Variants in SYT1 observed in about 807,000 individuals in gnomAD.
SYT1 encodes the protein synaptotagmin-1.
SYT1 carries 8 observed loss-of-function variants against 44.8 expected under a neutral mutation model. The observed-to-expected ratio is 0.18, with a 90% CI of 0.10 to 0.32. The LOEUF (loss-of-function observed/expected upper bound fraction) is 0.32. Ranked by LOEUF, SYT1 falls within the 10% of genes least tolerant of loss-of-function variation. SYT1 has a pLI of 1.00. For synonymous variants in SYT1, 154 were observed against 188.8 expected, an observed-to-expected ratio of 0.82 and a Z score of 1.51; for missense variants, 286 against 509.3, an observed-to-expected ratio of 0.56 and a Z score of 4.22.
chr12:79,331,633 G>A (rs187351136), intron 8 of SYT1, among the ~76,000 whole-genome samples: 1 of 152,170 alleles, frequency 6.6e-6, no homozygotes, highest in Admixed American at 6.5e-5. Flanking sequence ...TCCCTTTGCA[G>A]AATTTATTAG....
At chr12:79,407,051 A>C (rs1885267632) in intron 9 of SYT1, among the ~76,000 whole-genome samples, 1 of 152,106 alleles carries the variant, frequency 6.6e-6, no homozygotes, top group Admixed American at 6.6e-5. Context: ...AGGGATAATA[A>C]TGCTTGTTTC....
At chr12:79,028,231 T>G (rs1054462299) in intron 2 of SYT1, among the ~76,000 whole-genome samples, 1 of 151,474 alleles carries the variant, frequency 6.6e-6, no homozygotes, top group African/African-American at 2.4e-5. Flanking sequence ...TTTTGTGTTC[T>G]ACTAACCCTG....
chr12:79,250,058 A>G (rs544545562), intron 4 of SYT1, among the ~76,000 whole-genome samples: 2 of 152,224 alleles, frequency 1.3e-5, no homozygotes, highest in African/African-American at 2.4e-5. Flanking sequence ...ATGCAATTCT[A>G]TAAGATGAAT....
intron 1 of SYT1, among the ~76,000 whole-genome samples, chr12:78,954,119 C>CAGGAAAG (rs1879101435): frequency 1.3e-5 from 2 of 152,068 alleles, no homozygotes; most frequent in Non-Finnish European, 2.9e-5. Flanking sequence ...CCAATTAGAT[C>CAGGAAAG]ATGTCATCTT....
In SYT1 at chr12:79,299,283, C is replaced by G. The variant is rs1169816924; in HGVS notation, c.643-101C>G. 14 of 1,302,862 alleles carry G rather than the reference C, an allele frequency of 1.1e-5. No homozygotes were observed. The Admixed American group carries it at 3.3e-4, about 31-fold the overall frequency. The allele number at this position is 1,302,862 out of a possible 1,614,324, so 80.7% of individuals were successfully genotyped here. On this transcript the variant is annotated intron_variant, in intron 7 of 10. Coordinates refer to ENST00000261205, the MANE Select transcript of SYT1 (RefSeq NM_005639.3). ...CCAAAAACAAAATTATCTCCCTGTT[C>G]TGTTTATGCAACGTAAATATTAAAT...
At chr12:79,322,735 A>C (rs1881424806) in intron 8 of SYT1, among the ~76,000 whole-genome samples, 1 of 152,066 alleles carries the variant, frequency 6.6e-6, no homozygotes, top group Non-Finnish European at 1.5e-5. Context: ...TTTTGGAGTG[A>C]GAGAGCGCAG....
chr12:79,414,949 G>T (rs1868641453), intron 9 of SYT1, among the ~76,000 whole-genome samples: 1 of 152,084 alleles, frequency 6.6e-6, no homozygotes, highest in Non-Finnish European at 1.5e-5. Context: ...ACAAATCTCT[G>T]GTCTCATGGC....
At chr12:79,377,146 C>G (rs1593013832) in intron 9 of SYT1, among the ~76,000 whole-genome samples, 1 of 142,488 alleles carries the variant, frequency 7.0e-6, no homozygotes, top group East Asian at 2.1e-4. Context: ...GAGTCTCGCT[C>G]CATTGCCCAG....
At chr12:79,425,746 T>G (rs1869406157) in intron 9 of SYT1, among the ~76,000 whole-genome samples, 1 of 152,194 alleles carries the variant, frequency 6.6e-6, no homozygotes, top group Non-Finnish European at 1.5e-5. Context: ...GCACAATATA[T>G]TTAAGTAGTC....
intron 8 of SYT1, among the ~76,000 whole-genome samples, chr12:79,322,366 C>A (rs142430010): frequency 1.1e-3 from 167 of 152,250 alleles, no homozygotes; most frequent in African/African-American, 3.9e-3. Flanking sequence ...AAAAAAAACT[C>A]TGAGATTTAC....
At chr12:79,316,028 G>C (rs1351562917) in intron 8 of SYT1, among the ~76,000 whole-genome samples, 2 of 152,108 alleles carry the variant, frequency 1.3e-5, no homozygotes, top group East Asian at 3.9e-4. Context: ...TTTTTAAATT[G>C]AAATAAAATT....
At chr12:79,027,335 T>C (rs1872597140) in intron 2 of SYT1, among the ~76,000 whole-genome samples, 1 of 151,558 alleles carries the variant, frequency 6.6e-6, no homozygotes, top group African/African-American at 2.4e-5. Flanking sequence ...TTCATAGCCA[T>C]TATTACTACC....
intron 3 of SYT1, among the ~76,000 whole-genome samples, chr12:79,073,741 G>A (rs1876444882): frequency 1.3e-5 from 2 of 152,160 alleles, no homozygotes; most frequent in South Asian, 2.1e-4. Context: ...TTACTTCTTC[G>A]ACATTAATCA....
At chr12:79,029,534 A>C (rs1397822948) in intron 2 of SYT1, among the ~76,000 whole-genome samples, 1 of 151,140 alleles carries the variant, frequency 6.6e-6, no homozygotes, top group Non-Finnish European at 1.5e-5. Flanking sequence ...AATATTTGCA[A>C]CTTCTGATTT....
intron 9 of SYT1, among the ~76,000 whole-genome samples, chr12:79,429,668 A>G (rs895624171): frequency 5.9e-5 from 9 of 152,132 alleles, no homozygotes; most frequent in Non-Finnish European, 1.5e-5. Context: ...AGCTGGGACT[A>G]CAGGCACCCA....
At chr12:78,891,592 T>C (rs147082907) in intron 1 of SYT1, among the ~76,000 whole-genome samples, 1 of 152,086 alleles carries the variant, frequency 6.6e-6, no homozygotes. Flanking sequence ...GGTGAAATGA[T>C]GGTTAACTAA....
intron 8 of SYT1, among the ~76,000 whole-genome samples, chr12:79,332,098 C>T (rs376274877): frequency 2.6e-4 from 39 of 152,228 alleles, no homozygotes; most frequent in African/African-American, 8.7e-4. Context: ...CTGTGATGAA[C>T]TTTACATAAC....
At chr12:79,421,764 T>G (rs1027665186) in intron 9 of SYT1, among the ~76,000 whole-genome samples, 1 of 151,994 alleles carries the variant, frequency 6.6e-6, no homozygotes, top group Non-Finnish European at 1.5e-5. Context: ...TTTGTTTGTT[T>G]TCTCAAATTC....
chr12:79,233,443 G>A (rs752060311), intron 4 of SYT1, among the ~76,000 whole-genome samples: 4 of 152,164 alleles, frequency 2.6e-5, no homozygotes, highest in Non-Finnish European at 4.4e-5. Context: ...CTGTTTATAC[G>A]AAACTTGTGT....
Sources: gnomAD v4.1 joint callset for allele counts (sites outside exome capture counted in the v4.1 genomes callset) on GRCh38, gnomAD v4.1.1 for gene constraint, MANE v1.5 for transcripts, NCBI Gene and HGNC (gene_info 2026-07-23, HGNC 2026-07-21) for gene names.